RBM12B: variants seen among roughly 807,000 people sequenced by gnomAD.
RBM12B encodes the protein RNA binding motif protein 12B, also known as RNA-binding protein 12B.
RBM12B carries 10 observed loss-of-function variants against 34.3 expected under a neutral mutation model. The ratio of observed to expected loss-of-function variants is 0.29; its 90% confidence interval spans 0.18 to 0.49. The LOEUF is 0.49. Among genes scored for constraint, RBM12B ranks in the 20% least tolerant of loss-of-function variants. The pLI, the probability that RBM12B is intolerant of heterozygous loss-of-function variation, is 0.99. For missense variants in RBM12B, 1,139 were observed against 1,262.7 expected (o/e 0.90, Z 1.48); for synonymous variants, 477 against 437.1 (o/e 1.09, Z -1.14).
At position 93,736,105 on chromosome 8, in the gene RBM12B, C is replaced by T; in HGVS notation, c.306G>A (p.Gly102=). 1 of 1,614,122 alleles carries T rather than the reference C, an allele frequency of 6.2e-7. No homozygotes were observed. Among genetic ancestry groups the T allele is most frequent in the Non-Finnish European group, 8.5e-7 (1 of 1,180,010 alleles). Residue 102 remains glycine (G), a synonymous_variant, in exon 4 of 4, where the codon GGG becomes GGA. Transcript: ENST00000520560. ...GRGRPGSGTS[G]VDSLSNFIES... The stretch of plus-strand genomic sequence containing the variant: ...CAATAAAATTAGACAGGCTGTCAAC[C>T]CCTGATGTCCCAGATCCTGGACGCC...
chr8:93,728,534 A>C lies in RBM12B; in HGVS notation c.*4871T>G. 2.9e-6 allele frequency: 1 copy of C among 346,376 alleles called. No individual in the cohort carries two copies. Among genetic ancestry groups the C allele is most frequent in the Non-Finnish European group, 5.2e-6 (1 of 192,232 alleles). 21.5% of individuals were successfully genotyped at this position (346,376 alleles called of 1,614,324 possible). On this transcript the variant is annotated 3_prime_UTR_variant, in exon 4 of 4. Coordinates refer to ENST00000520560, the MANE Select transcript of RBM12B (RefSeq NM_001377960.1). ...TTTGTGTAAGTGCCTTTTTTTTTAA[A>C]GATGGTGTATTTCAAAGTATTTCAT...
chr8:93,734,674 G>A lies in RBM12B; in HGVS notation c.1737C>T (p.Phe579=), dbSNP rs754379673. The A allele has an allele frequency of 8.1e-6, 13 of 1,613,166 alleles. No individual in the cohort carries two copies. Among genetic ancestry groups the A allele is most frequent in the Middle Eastern group, 1.6e-4 (1 of 6,082 alleles). Residue 579 remains phenylalanine (F), a synonymous_variant, in exon 4 of 4, where the codon TTC becomes TTT. Transcript: ENST00000520560. ...TGAAGTCTTCCTCCCTAGGTCGCCT[G>A]AAGTCCTCTGGGGAGTGCCTGAAGT... is the stretch of plus-strand genomic sequence containing the variant. ...PEDFRHSPED[F]RRPREEDFRR...
chr8:93,732,461 C>T lies in RBM12B; in HGVS notation c.*944G>A, dbSNP rs1034981320. ...AAAAATGAGAACCTAATATTACATG[C>T]AAGTTATGTGACTCATCAGTAAATT... On this transcript the variant is annotated 3_prime_UTR_variant, in exon 4 of 4. Transcript: ENST00000520560. 2.0e-5 allele frequency: 3 copies of T among 152,220 alleles called. No homozygotes were observed. Among genetic ancestry groups the T allele is most frequent in the Admixed American group, 2.0e-4 (3 of 15,280 alleles). The allele number at this position is 152,220 out of a possible 1,614,324, so 9.4% of individuals were successfully genotyped here.
rs778375913 is a variant in RBM12B, at chr8:93,734,521, TGGCCGCCTCCAGTCCTCCTCAAGG to T, written c.1866_1889del (p.Trp627_Asp634del). On this transcript the variant is annotated inframe_deletion, in exon 4 of 4. Transcript: ENST00000520560. ...GAGACCGCCTGAAATCCTCCTCCAG[TGGCCGCCTCCAGTCCTCCTCAAGG>T]GGCCTCCTCCAGTCCTCCTCCCTAG... The T allele has an allele frequency of 6.0e-5, 96 of 1,612,038 alleles. No homozygotes were observed. In the Middle Eastern group the frequency reaches 6.6e-4, roughly 11 times the overall value.
Position 93,735,212 on chromosome 8 carries a change from A to T in RBM12B, c.1199T>A (p.Leu400Gln), listed in dbSNP as rs760957939. 4.3e-6 allele frequency: 7 copies of T among 1,613,998 alleles called. No homozygotes were observed. Among genetic ancestry groups the T allele is most frequent in the African/African-American group, 1.3e-5 (1 of 74,952 alleles). ...YSQEGNSGQK[L>Q]CIYIRNFPFD... Reference sequence around the variant, plus strand: ...TGGAAAATTTCTTATATAGATGCACAGTTTCTGGCCAGAGTTACCTTCTTG... The same window carrying T: ...TGGAAAATTTCTTATATAGATGCACTGTTTCTGGCCAGAGTTACCTTCTTG... The change falls in exon 4 of 4, where the codon CTG becomes CAG. Residue 400 changes from leucine (L) to glutamine (Q), a missense_variant. Leu to Gln is a moderately radical substitution (Grantham distance 113). Around this residue, in one of 3 missense-constraint regions of RBM12B, gnomAD observed 863 missense variants for 869.5 expected, o/e 0.99. Transcript: ENST00000520560.
rs1811855097 is a variant in RBM12B, at chr8:93,733,310, T to C, written c.*95A>G. On this transcript the variant is annotated 3_prime_UTR_variant, in exon 4 of 4. Transcript: ENST00000520560. ...ACAGGTCAAAAATAAAATATTTCAT[T>C]AGATAATTTAAAAAAAAAACACTTT... 8 of 925,108 alleles carry C rather than the reference T, an allele frequency of 8.6e-6. No individual in the cohort carries two copies. Among genetic ancestry groups the C allele is most frequent in the Non-Finnish European group, 1.2e-5 (8 of 668,430 alleles). The allele number at this position is 925,108 out of a possible 1,614,324, so 57.3% of individuals were successfully genotyped here.
At position 93,730,555 on chromosome 8, in the gene RBM12B, G is replaced by A. The variant is rs1464895157; in HGVS notation, c.*2850C>T. ...TACTGAAGCTGAGTGATGTGTACAT[G>A]AAAATTTACTATTCTTTTTTTATAT... On this transcript the variant is annotated 3_prime_UTR_variant, in exon 4 of 4. Coordinates refer to ENST00000520560, the MANE Select transcript of RBM12B (RefSeq NM_001377960.1). 1 of 152,152 alleles carries A rather than the reference G, an allele frequency of 6.6e-6. No individual in the cohort carries two copies. Among genetic ancestry groups the A allele is most frequent in the Non-Finnish European group, 1.5e-5 (1 of 68,026 alleles). 9.4% of individuals were successfully genotyped at this position (152,152 alleles called of 1,614,324 possible).
intron 2 of RBM12B, among the ~76,000 whole-genome samples, chr8:93,739,714 G>A (rs541500991): frequency 8.5e-5 from 13 of 152,288 alleles, no homozygotes; most frequent in Non-Finnish European, 8.8e-5. Context: ...AAGTATTTTT[G>A]TGCCTTTGTG....
In RBM12B at chr8:93,734,655, C is replaced by A. The variant is rs753039953; in HGVS notation, c.1756G>T (p.Asp586Tyr). 1 of 1,613,784 alleles carries A rather than the reference C, an allele frequency of 6.2e-7. No individual in the cohort carries two copies. Among genetic ancestry groups the A allele is most frequent in the Non-Finnish European group, 8.5e-7 (1 of 1,179,792 alleles). ...PEDFRRPREE[D>Y]FRRPSEEDFR... ...TCCTCCTCAGAAGGCCGCCTGAAGT[C>A]TTCCTCCCTAGGTCGCCTGAAGTCC... is the stretch of plus-strand genomic sequence containing the variant. The change falls in exon 4 of 4, where the codon GAC becomes TAC. Residue 586 changes from aspartate (D) to tyrosine (Y), a missense_variant. Asp to Tyr is a radical substitution (Grantham distance 160). This residue lies in a region of RBM12B where 863 missense variants were observed against 869.5 expected (regional missense o/e 0.99). Transcript: ENST00000520560.
intron 2 of RBM12B, chr8:93,739,006 CA>C: frequency 6.6e-6 from 1 of 151,768 alleles, no homozygotes; most frequent in East Asian, 1.9e-4. Flanking sequence ...TGCACAGTAA[CA>C]AAAAAAGAAA....
Position 93,737,304 on chromosome 8 carries a change from T to C in RBM12B, c.-29+3A>G, listed in dbSNP as rs1463916922. 1 of 152,222 alleles carries C rather than the reference T, an allele frequency of 6.6e-6. No homozygotes were observed. Among genetic ancestry groups the C allele is most frequent in the African/African-American group, 2.4e-5 (1 of 41,460 alleles). 9.4% of individuals were successfully genotyped at this position (152,222 alleles called of 1,614,324 possible). A position where few individuals can be genotyped will look rare whatever the true frequency, so the allele number is the denominator to read the frequency against. On this transcript the variant is annotated splice_donor_region_variant and intron_variant, in intron 3 of 3. Coordinates refer to ENST00000520560, the MANE Select transcript of RBM12B (RefSeq NM_001377960.1). Reference sequence around the variant, plus strand: ...TCAAAGCCTTAAACTCTGGATATCTTACCTTTTTTAAAATTTCTTGGAGAC... The same window carrying C: ...TCAAAGCCTTAAACTCTGGATATCTCACCTTTTTTAAAATTTCTTGGAGAC...
In RBM12B at chr8:93,736,091, G is replaced by C. The variant is rs1334655096; in HGVS notation, c.320C>G (p.Ser107Cys). The change falls in exon 4 of 4, where the codon TCT becomes TGT. Residue 107 changes from serine to cysteine, a missense_variant. Coordinates refer to ENST00000520560, the MANE Select transcript of RBM12B (RefSeq NM_001377960.1). ...GSGTSGVDSL[S>C]NFIESVKEEA... ...TTCCTTAACAGACTCAATAAAATTA[G>C]ACAGGCTGTCAACCCCTGATGTCCC... 1 of 1,613,932 alleles carries C rather than the reference G, an allele frequency of 6.2e-7. No individual in the cohort carries two copies. The highest frequency in any genetic ancestry group is 1.3e-5 in the African/African-American group (1 of 74,864).
rs749657597 is a variant in RBM12B at position 93,736,460 on chromosome 8, T to C, written c.-28-22A>G. The C allele has an allele frequency of 2.0e-6, 3 of 1,490,228 alleles. No homozygotes were observed. The African/African-American group carries it at 4.2e-5, about 21-fold the overall frequency. 92.3% of individuals were successfully genotyped at this position (1,490,228 alleles called of 1,614,324 possible). A position where few individuals can be genotyped will look rare whatever the true frequency, so the allele number is the denominator to read the frequency against. On this transcript the variant is annotated intron_variant, in intron 3 of 3. Coordinates refer to ENST00000520560, the MANE Select transcript of RBM12B (RefSeq NM_001377960.1). Reference sequence around the variant, plus strand: ...TGACCTGCAGACAAAAAGGTACACATAATAGCAAGTCTTATTTTTGAAGTA... The same window carrying C: ...TGACCTGCAGACAAAAAGGTACACACAATAGCAAGTCTTATTTTTGAAGTA...
At position 93,734,434 on chromosome 8, in the gene RBM12B, T is replaced by G. The variant is rs556017291; in HGVS notation, c.1977A>C (p.Leu659Phe). 7.8e-5 allele frequency: 124 copies of G among 1,593,424 alleles called. No individual in the cohort carries two copies. Among genetic ancestry groups the G allele is most frequent in the South Asian group, 1.1e-4 (10 of 89,550 alleles). The change falls in exon 4 of 4, where the codon TTA (leucine) becomes TTC (phenylalanine). Residue 659 changes from leucine to phenylalanine, a missense_variant. Leu to Phe is a conservative substitution (Grantham distance 22, BLOSUM62 0). Coordinates refer to ENST00000520560, the MANE Select transcript of RBM12B (RefSeq NM_001377960.1). ...EDFRQPPEED[L>F]RWLPEEDFRR... ...TGAAATCTTCCTCTGGGAGCCACCT[T>G]AAGTCCTCCTCAGGGGGTTGCCTGA...
chr8:93,733,735 T>C lies in RBM12B; in HGVS notation c.2676A>G (p.Glu892=). Residue 892 remains glutamate (E), a synonymous_variant, in exon 4 of 4, where the codon GAA becomes GAG. Transcript: ENST00000520560. ...HRPFVNFGRP[E]GGKFDFGKHN... is the part of the protein sequence containing the mutation. Reference sequence around the variant, plus strand: ...GCTTTCCAAAATCAAACTTGCCACCTTCTGGGCGACCAAAATTCACAAAAG... The same window carrying C: ...GCTTTCCAAAATCAAACTTGCCACCCTCTGGGCGACCAAAATTCACAAAAG... 1 of 1,614,178 alleles carries C rather than the reference T, an allele frequency of 6.2e-7. No individual in the cohort carries two copies. The highest frequency in any genetic ancestry group is 1.1e-5 in the South Asian group (1 of 91,082).
rs1360040974 is a variant in RBM12B at position 93,731,964 on chromosome 8, T to A, written c.*1441A>T. The A allele has an allele frequency of 6.6e-6, 1 of 152,592 alleles. No individual in the cohort carries two copies. The highest frequency in any genetic ancestry group is 1.9e-4 in the East Asian group (1 of 5,200). 9.5% of individuals were successfully genotyped at this position (152,592 alleles called of 1,614,324 possible). On this transcript the variant is annotated 3_prime_UTR_variant, in exon 4 of 4. Transcript: ENST00000520560. ...TGCTGGTTTTACCTATTTATGCTAATTTTAAACCAACAATTGAAGTGAGAA... is the reference window on the plus strand; with the variant it reads ...TGCTGGTTTTACCTATTTATGCTAAATTTAAACCAACAATTGAAGTGAGAA...
rs770279132 is a variant in RBM12B at position 93,734,579 on chromosome 8, A to G, written c.1832T>C (p.Phe611Ser). ...CCAGTCCTCCTCCCTAGGGTGCCTG[A>G]AGTCATCCTCCGGAGGGCGCCTGAA... ...EDFRRPPEDD[F>S]RHPREEDWRR... is the part of the protein sequence containing the mutation. Residue 611 changes from phenylalanine to serine, a missense_variant, in exon 4 of 4, where the codon TTC becomes TCC. Coordinates refer to ENST00000520560, the MANE Select transcript of RBM12B (RefSeq NM_001377960.1). The G allele has an allele frequency of 3.1e-6, 5 of 1,612,270 alleles. No individual in the cohort carries two copies. In the South Asian group the frequency reaches 5.5e-5, roughly 18 times the overall value.
At position 93,728,181 on chromosome 8, in the gene RBM12B, A is replaced by C. The variant is rs768128451; in HGVS notation, c.*5224T>G. On this transcript the variant is annotated 3_prime_UTR_variant, in exon 4 of 4. Coordinates refer to ENST00000520560, the MANE Select transcript of RBM12B (RefSeq NM_001377960.1). ...TTTTTTAAGTTAGTATTTTTATTTT[A>C]AAAAGTGTGTTAACTTTTAACAGGT... is the stretch of plus-strand genomic sequence containing the variant. 2 of 1,433,792 alleles carry C rather than the reference A, an allele frequency of 1.4e-6. No homozygotes were observed. Among genetic ancestry groups the C allele is most frequent in the Non-Finnish European group, 1.9e-6 (2 of 1,075,018 alleles). 88.8% of individuals were successfully genotyped at this position (1,433,792 alleles called of 1,614,324 possible).
At chr8:93,740,367 C>G (rs1221714188) in intron 2 of RBM12B, 1 of 457,286 alleles carries the variant, frequency 2.2e-6, no homozygotes, top group African/African-American at 2.0e-5. Flanking sequence ...TCTTTCGCGC[C>G]AGGCCAAAGT....
Sources: allele counts gnomAD v4.1 joint callset (sites outside exome capture counted in the v4.1 genomes callset), GRCh38; gene constraint gnomAD v4.1.1; regional missense constraint gnomAD v4.1.1; transcripts MANE v1.5; gene names NCBI Gene and HGNC (gene_info 2026-07-23, HGNC 2026-07-21).